TNS1: variants seen among roughly 807,000 people sequenced by gnomAD.
The protein encoded by TNS1 is tensin-1.
A neutral mutation model predicts 168.6 loss-of-function variants in TNS1; 62 were observed. The observed-to-expected ratio is 0.37, with a 90% confidence interval of 0.30 to 0.45. TNS1 has a LOEUF of 0.45. Ranked by LOEUF, TNS1 falls within the 20% of genes least tolerant of loss-of-function variation. TNS1 has a pLI of 1.00. For synonymous variants in TNS1, 934 were observed against 933.2 expected, an observed-to-expected ratio of 1.00 and a Z score of -0.02; for missense variants, 2,240 against 2,339.4, an observed-to-expected ratio of 0.96 and a Z score of 0.88.
chr2:217,911,693 A>G (rs1475606939), intron 4 of TNS1, among the ~76,000 whole-genome samples: 3 of 152,008 alleles, frequency 2.0e-5, no homozygotes, highest in Non-Finnish European at 4.4e-5. Context: ...AGATGTAGTG[A>G]CTCACCCAAG....
intron 18 of TNS1, among the ~76,000 whole-genome samples, chr2:217,863,106 C>A (rs1948937920): frequency 1.3e-5 from 2 of 152,192 alleles, no homozygotes; most frequent in African/African-American, 4.8e-5. Flanking sequence ...AGGTATAAAG[C>A]AACATTCCTG....
rs368196749 is a variant in TNS1 at position 217,873,563 on chromosome 2, G to C, written c.1429+7335C>G. Among the ~76,000 whole-genome samples the C allele has an allele frequency of 2.6e-4, 39 of 152,312 alleles. No homozygotes were observed. In the East Asian group the frequency reaches 3.9e-3, roughly 15 times the overall value. ...TTTTACTTTGGACCAAGGTGAGAGAGAGCCAGCCCCTGGGCTGCCTCAAAT... is the reference window on the plus strand; with the variant it reads ...TTTTACTTTGGACCAAGGTGAGAGACAGCCAGCCCCTGGGCTGCCTCAAAT... On this transcript the variant is annotated intron_variant, in intron 18 of 32. Transcript: ENST00000682258.
In TNS1 at chr2:217,881,013, G is replaced by T; in HGVS notation, c.1314C>A (p.Gly438=). 1 of 1,610,344 alleles carries T rather than the reference G, an allele frequency of 6.2e-7. No homozygotes were observed. Residue 438 remains glycine (G), a splice_region_variant and synonymous_variant, in exon 18 of 33, where the codon GGC becomes GGA. Transcript: ENST00000682258. ...VFSYGPEKIQ[G]MEHLENGPSV... ...TCGGCCCGTTCTCCAGGTGCTCCATGCCTAAGTGGGATGGGAAAGGCAGCG... is the reference window on the plus strand; with the variant it reads ...TCGGCCCGTTCTCCAGGTGCTCCATTCCTAAGTGGGATGGGAAAGGCAGCG...
chr2:218,027,194 CCT>C (rs753139444), intron 1 of TNS1, among the ~76,000 whole-genome samples: 1 of 152,172 alleles, frequency 6.6e-6, no homozygotes, highest in Non-Finnish European at 1.5e-5. Flanking sequence ...CCTACACCCC[CCT>C]GTCGTCTTCC....
In TNS1 at chr2:218,032,077, C is replaced by G. The variant is rs1958903714; in HGVS notation, c.156+1743G>C. 6.6e-6 allele frequency among the ~76,000 whole-genome samples: 1 copy of G among 152,226 alleles called. No homozygotes were observed. Among genetic ancestry groups the G allele is most frequent in the Non-Finnish European group, 1.5e-5 (1 of 68,044 alleles). ...TCAGGAGGGTGCCAAGCCCCAACCT[C>G]TTGCTCCTGAGGCTGACATGTGGGA... On this transcript the variant is annotated intron_variant, in intron 1 of 1. Transcript: ENST00000649572. The surrounding 1 kb of genome is among the most constrained non-coding windows in gnomAD (Gnocchi z 4.0).
intron 22 of TNS1, chr2:217,830,245 C>A: frequency 7.6e-7 from 1 of 1,313,802 alleles, no homozygotes; most frequent in East Asian, 2.4e-5. Flanking sequence ...GAGGCAGCCC[C>A]CAGCCCCCTT....
At chr2:217,878,836 C>T (rs897122858) in intron 18 of TNS1, among the ~76,000 whole-genome samples, 1 of 152,222 alleles carries the variant, frequency 6.6e-6, no homozygotes, top group Non-Finnish European at 1.5e-5. Context: ...ATACTAACTG[C>T]CTCTCATGAA....
At chr2:217,907,769 G>A (rs1476687596) in intron 4 of TNS1, among the ~76,000 whole-genome samples, 1 of 152,188 alleles carries the variant, frequency 6.6e-6, no homozygotes, top group Non-Finnish European at 1.5e-5. Flanking sequence ...TACTTCAGTG[G>A]GCTTTCAGGC....
chr2:217,956,132 T>A (rs536896506), intron 3 of TNS1, among the ~76,000 whole-genome samples: 2 of 152,184 alleles, frequency 1.3e-5, no homozygotes, highest in East Asian at 3.9e-4. Context: ...GATGGGGTCT[T>A]TGAATTTTGT....
Position 217,830,887 on chromosome 2 carries a change from C to A in TNS1, c.3373+568G>T, listed in dbSNP as rs560461512. 3.3e-5 allele frequency among the ~76,000 whole-genome samples: 5 copies of A among 152,316 alleles called. No homozygotes were observed. In the South Asian group the frequency reaches 8.3e-4, roughly 25 times the overall value. On this transcript the variant is annotated intron_variant, in intron 22 of 32. Coordinates refer to ENST00000682258, the MANE Select transcript of TNS1 (RefSeq NM_001387777.1). ...GCAGGCAATGATGGCCACTGCTAGT[C>A]ATGGGTTTCTCTGGTAGGGTTCTCT...
In TNS1 at chr2:217,808,105, C is replaced by A; in HGVS notation, c.5345G>T (p.Trp1782Leu). The A allele has an allele frequency of 6.2e-7, 1 of 1,613,118 alleles. No individual in the cohort carries two copies. Among genetic ancestry groups the A allele is most frequent in the Non-Finnish European group, 8.5e-7 (1 of 1,179,950 alleles). Residue 1782 changes from tryptophan to leucine, a missense_variant and splice_region_variant, in exon 32 of 33, where the codon TGG (tryptophan) becomes TTG (leucine). Coordinates refer to ENST00000682258, the MANE Select transcript of TNS1 (RefSeq NM_001387777.1). ...AGGGGCACCACCCTCTGTTTTCATC[C>A]ACCTGTGGAGAGAAAGTGGGCTCAG... ...FCDLDPQERKWMKTEGGAPAK... is the reference protein window; with the variant it reads ...FCDLDPQERKLMKTEGGAPAK...
At chr2:217,831,663 G>T in intron 21 of TNS1, 116 bp from the exon 22 acceptor site, 2 of 733,364 alleles carry the variant, frequency 2.7e-6, no homozygotes, top group East Asian at 6.8e-5. Context: ...CGGTGCCGAG[G>T]AACCACCCTG....
intron 2 of TNS1, among the ~76,000 whole-genome samples, chr2:217,989,202 G>C (rs1958286229): frequency 6.6e-6 from 1 of 152,220 alleles, no homozygotes; most frequent in Non-Finnish European, 1.5e-5. Flanking sequence ...ACCAGGCCTG[G>C]CAGCCGGGGA....
chr2:217,848,838 T>A lies in TNS1; in HGVS notation c.1679A>T (p.Gln560Leu), dbSNP rs754979596. The A allele has an allele frequency of 1.1e-5, 17 of 1,613,902 alleles. No individual in the cohort carries two copies. The highest frequency in any genetic ancestry group is 1.4e-5 in the Non-Finnish European group (16 of 1,180,020). Reference protein sequence around the residue: ...ASSATAALSPQEKRELDRLLS... With the variant: ...ASSATAALSPLEKRELDRLLS... ...CAGGCGGTCCAGCTCCCGCTTCTCC[T>A]GGGGACTCAAGGCAGCAGTGGCACT... Residue 560 changes from glutamine (Q) to leucine (L), a missense_variant, in exon 19 of 33, where the codon CAG (glutamine) becomes CTG (leucine). Gln to Leu is a moderately radical substitution (Grantham distance 113). Around this residue, in one of 2 missense-constraint regions of TNS1, gnomAD observed 2,131 missense variants for 2,171.2 expected, o/e 0.98. Coordinates refer to ENST00000682258, the MANE Select transcript of TNS1 (RefSeq NM_001387777.1).
chr2:217,810,008 C>A lies in TNS1; in HGVS notation c.5105-17G>T, dbSNP rs1366192856. On this transcript the variant is annotated splice_polypyrimidine_tract_variant and intron_variant, in intron 29 of 32. Transcript: ENST00000682258. ...CATTGCAGGCTGGAAGAAACCAACC[C>A]AAGGGGGAGTCATGGGAGCTGGCGT... 6.2e-7 allele frequency: 1 copy of A among 1,605,686 alleles called. No homozygotes were observed. Among genetic ancestry groups the A allele is most frequent in the African/African-American group, 1.3e-5 (1 of 74,676 alleles).
intron 18 of TNS1, among the ~76,000 whole-genome samples, chr2:217,878,559 G>C (rs1195136155): frequency 6.6e-6 from 1 of 152,146 alleles, no homozygotes; most frequent in African/African-American, 2.4e-5. Flanking sequence ...TGCCATGGCT[G>C]GTGCATGGTA....
chr2:217,818,418 T>C lies in TNS1; in HGVS notation c.3914A>G (p.Asn1305Ser), dbSNP rs934348126. 2.5e-6 allele frequency: 4 copies of C among 1,613,958 alleles called. No individual in the cohort carries two copies. Among genetic ancestry groups the C allele is most frequent in the African/African-American group, 2.7e-5 (2 of 74,922 alleles). Reference sequence around the variant, plus strand: ...ACTGCTGGGGGCAGCCATGCTGGGATTGATGGCCCGCCAGCCGAAGCCAGG... The same window carrying C: ...ACTGCTGGGGGCAGCCATGCTGGGACTGATGGCCCGCCAGCCGAAGCCAGG... Reference protein sequence around the residue: ...PSPGFGWRAINPSMAAPSSPS... With the variant: ...PSPGFGWRAISPSMAAPSSPS... Residue 1305 changes from asparagine (N) to serine (S), a missense_variant, in exon 24 of 33, where the codon AAT becomes AGT. Physicochemically the swap from Asn to Ser is conservative, Grantham distance 46 (BLOSUM62 1). This residue lies in a region of TNS1 where 2,131 missense variants were observed against 2,171.2 expected (regional missense o/e 0.98). Coordinates refer to ENST00000682258, the MANE Select transcript of TNS1 (RefSeq NM_001387777.1).
intron 4 of TNS1, among the ~76,000 whole-genome samples, chr2:217,913,365 G>A (rs914899987): frequency 3.9e-5 from 6 of 152,152 alleles, no homozygotes; most frequent in South Asian, 2.1e-4. Context: ...TCCTGACTGA[G>A]GCTGTGCAAC....
chr2:217,937,202 C>G (rs72951918), intron 3 of TNS1: 20 of 366,786 alleles, frequency 5.5e-5, no homozygotes, highest in African/African-American at 2.5e-4. Context: ...CTACTCCCCC[C>G]ACTAGATCGT....
Sources: allele counts gnomAD v4.1 joint callset (sites outside exome capture counted in the v4.1 genomes callset), GRCh38; gene constraint gnomAD v4.1.1; regional missense constraint gnomAD v4.1.1; non-coding constraint Gnocchi (gnomAD v3.1); transcripts MANE v1.5; gene names NCBI Gene and HGNC (gene_info 2026-07-23, HGNC 2026-07-21).